The following CHRNB3 variants were observed in gnomAD, a reference collection of about 807,000 sequenced individuals.
CHRNB3 encodes the protein cholinergic receptor nicotinic beta 3 subunit.
A neutral mutation model predicts 40.6 loss-of-function variants in CHRNB3; 37 were observed. That is an observed-to-expected ratio of 0.91 (90% CI 0.70 to 1.20). CHRNB3 has a LOEUF of 1.20. Among genes scored for constraint, CHRNB3 ranks in the 50% most tolerant of loss-of-function variants. CHRNB3 has a pLI of 0.00. For synonymous variants in CHRNB3, 207 were observed against 207.1 expected, an observed-to-expected ratio of 1.00 and a Z score of 0.00; for missense variants, 505 against 551.2, an observed-to-expected ratio of 0.92 and a Z score of 0.84.
At chr8:42,725,908 G>C (rs182336103) in intron 3 of CHRNB3, 18 of 854,364 alleles carry the variant, frequency 2.1e-5, no homozygotes, top group Middle Eastern at 2.4e-4. Context: ...GCAAAGTCTC[G>C]CAATGGTTCT....
intron 5 of CHRNB3, 33 bp downstream of exon 5, chr8:42,732,582 G>A (rs113912284): frequency 4.2e-5 from 64 of 1,529,064 alleles, no homozygotes; most frequent in African/African-American, 3.1e-4. Context: ...TAATGCTGCC[G>A]TAAAGGTAGG....
intron 1 of CHRNB3, among the ~76,000 whole-genome samples, chr8:42,708,401 G>T (rs1815954133): frequency 6.6e-6 from 1 of 152,064 alleles, no homozygotes; most frequent in Non-Finnish European, 1.5e-5. Context: ...TGGAGGCGGA[G>T]CTTGCAGTGA....
At chr8:42,724,396 A>AT (rs199789125) in intron 3 of CHRNB3, among the ~76,000 whole-genome samples, 19 of 150,738 alleles carry the variant, frequency 1.3e-4, no homozygotes, top group Admixed American at 3.3e-4. Flanking sequence ...CTACTCAGTA[A>AT]TTTTTTTTTT....
chr8:42,699,093 A>T (rs1214952159), intron 1 of CHRNB3, among the ~76,000 whole-genome samples: 1 of 152,208 alleles, frequency 6.6e-6, no homozygotes, highest in Non-Finnish European at 1.5e-5. Context: ...AATCTGTCCC[A>T]TATTTCCTTA....
chr8:42,732,293 A>ACC lies in CHRNB3; in HGVS notation c.989_990dup (p.Met331ProfsTer20). Reference sequence around the variant, plus strand: ...CACCACAGATCTTCTTCCACGTACCACCCCATGGCCCCCTGGGTTAAGAGG... The same window carrying ACC: ...CACCACAGATCTTCTTCCACGTACCACCCCCCATGGCCCCCTGGGTTAAGAGG... On this transcript the variant is annotated frameshift_variant, in exon 5 of 6. Transcript: ENST00000289957. LOFTEE classifies it high-confidence loss of function. 1 of 1,607,250 alleles carries ACC rather than the reference A, an allele frequency of 6.2e-7. No individual in the cohort carries two copies. The highest frequency in any genetic ancestry group is 8.5e-7 in the Non-Finnish European group (1 of 1,178,130).
intron 3 of CHRNB3, among the ~76,000 whole-genome samples, chr8:42,712,727 T>C (rs920956123): frequency 6.6e-6 from 1 of 152,128 alleles, no homozygotes; most frequent in Admixed American, 6.6e-5. Context: ...GAAGAAATCC[T>C]ATATTCAAGT....
chr8:42,700,179 AAT>A (rs1396956357), intron 1 of CHRNB3, among the ~76,000 whole-genome samples: 7 of 150,874 alleles, frequency 4.6e-5, no homozygotes, highest in African/African-American at 1.7e-4. Context: ...ACGCCCAGCT[AAT>A]ATTTTTTGTA....
intron 3 of CHRNB3, chr8:42,726,030 C>T: frequency 2.0e-6 from 2 of 977,716 alleles, no homozygotes; most frequent in Non-Finnish European, 3.2e-6. Context: ...CTGAGACGTA[C>T]CTTGTCACGT....
intron 1 of CHRNB3, chr8:42,699,527 G>A (rs1245928760): frequency 1.3e-5 from 2 of 152,222 alleles, no homozygotes; most frequent in Non-Finnish European, 2.9e-5. Context: ...GGGAGGCCAA[G>A]GTAGGCAGAT....
rs550577945 is a variant in CHRNB3 at position 42,731,691 on chromosome 8, C to T, written c.384C>T (p.Ser128=). The change falls in exon 5 of 6, where the codon TCC becomes TCT. Residue 128 remains serine, a synonymous_variant. Transcript: ENST00000289957. ...FENADGRFEG[S]LMTKVIVKSN... is the part of the protein sequence containing the mutation. ...GTGCTGACGGCCGCTTCGAAGGCTC[C>T]CTGATGACCAAGGTCATCGTGAAAT... The T allele has an allele frequency of 1.2e-6, 2 of 1,611,580 alleles. No homozygotes were observed. Among genetic ancestry groups the T allele is most frequent in the Admixed American group, 3.3e-5 (2 of 59,724 alleles).
chr8:42,734,061 T>C (rs1253580502), intron 5 of CHRNB3, among the ~76,000 whole-genome samples: 2 of 150,630 alleles, frequency 1.3e-5, no homozygotes, highest in African/African-American at 2.4e-5. Context: ...ATCAAGACCA[T>C]CCTGGCCAAC....
chr8:42,725,443 A>T (rs1484965895), intron 3 of CHRNB3: 2 of 605,322 alleles, frequency 3.3e-6, no homozygotes, highest in African/African-American at 3.7e-5. Context: ...ATAAAGCAGG[A>T]AATAATCTTC....
At chr8:42,700,019 C>CTTTTTTTT (rs573615558) in intron 1 of CHRNB3, among the ~76,000 whole-genome samples, 8 of 140,954 alleles carry the variant, frequency 5.7e-5, no homozygotes, top group African/African-American at 2.1e-4. Context: ...AATTTCTTTT[C>CTTTTTTTT]TTTTTTTTTT....
chr8:42,734,451 G>A (rs1464352546), intron 5 of CHRNB3, among the ~76,000 whole-genome samples: 3 of 141,796 alleles, frequency 2.1e-5, no homozygotes, highest in Admixed American at 7.2e-5. Flanking sequence ...ATGGAGTCTC[G>A]CTCTGTCACC....
intron 1 of CHRNB3, among the ~76,000 whole-genome samples, chr8:42,704,820 ACT>A (rs879753854): frequency 3.9e-5 from 6 of 151,980 alleles, no homozygotes; most frequent in Admixed American, 3.3e-4. Context: ...GGACTCAGGG[ACT>A]CTGTAAGAAC....
chr8:42,711,683 CTGTA>C (rs1347501406), intron 3 of CHRNB3, among the ~76,000 whole-genome samples: 3 of 152,150 alleles, frequency 2.0e-5, no homozygotes, highest in Non-Finnish European at 4.4e-5. Flanking sequence ...ACTTGAGCCA[CTGTA>C]TGTATTTATT....
chr8:42,726,563 G>A (rs1289648597), intron 3 of CHRNB3, among the ~76,000 whole-genome samples: 3 of 150,856 alleles, frequency 2.0e-5, no homozygotes, highest in East Asian at 1.9e-4. Context: ...GCAGTGGCGC[G>A]ATCTCAGCTC....
intron 1 of CHRNB3, among the ~76,000 whole-genome samples, chr8:42,701,471 G>A (rs1413387981): frequency 6.6e-6 from 1 of 152,074 alleles, no homozygotes; most frequent in East Asian, 1.9e-4. Flanking sequence ...ATGAGCCCAG[G>A]AGGTTGAGGC....
chr8:42,715,640 C>T (rs1456719161), intron 3 of CHRNB3, among the ~76,000 whole-genome samples: 7 of 152,038 alleles, frequency 4.6e-5, no homozygotes, highest in Admixed American at 1.3e-4. Flanking sequence ...TATCCTGTTT[C>T]CATAGCTCTC....
Sources: gnomAD v4.1 joint callset for allele counts (sites outside exome capture counted in the v4.1 genomes callset) on GRCh38, gnomAD v4.1.1 for gene constraint, MANE v1.5 for transcripts, NCBI Gene and HGNC (gene_info 2026-07-23, HGNC 2026-07-21) for gene names.